The following CYFIP2 variants were observed in gnomAD, a reference collection of about 807,000 sequenced individuals.
CYFIP2 encodes the protein cytoplasmic FMR1 interacting protein 2.
CYFIP2 carries 29 observed loss-of-function variants against 158.7 expected under a neutral mutation model. That is an observed-to-expected ratio of 0.18 (90% confidence interval 0.14 to 0.25). The LOEUF is 0.25. CYFIP2 is among the 10% of genes least tolerant of loss of function. The probability of loss-of-function intolerance (pLI) is 1.00; values close to 1 mark genes in which losing one functional copy is unlikely to be tolerated. For synonymous variants in CYFIP2, 585 were observed against 617.6 expected (o/e 0.95, Z 0.78); for missense variants, 852 against 1,639.5 (o/e 0.52, Z 8.29).
intron 23 of CYFIP2, among the ~76,000 whole-genome samples, chr5:157,349,297 A>G (rs923839276): frequency 5.9e-5 from 9 of 152,036 alleles, no homozygotes; most frequent in Admixed American, 2.6e-4. Context: ...TGAGTCTCCA[A>G]AATTCATTGT....
intron 4 of CYFIP2, 124 bp from the exon 5 acceptor site, chr5:157,296,549 A>G: frequency 1.2e-6 from 1 of 847,234 alleles, no homozygotes; most frequent in Non-Finnish European, 1.9e-6. Flanking sequence ...AGCCATGATC[A>G]TGCCACTGCA....
intron 19 of CYFIP2, among the ~76,000 whole-genome samples, chr5:157,330,118 T>C (rs1761327247): frequency 6.6e-6 from 1 of 152,230 alleles, no homozygotes; most frequent in Non-Finnish European, 1.5e-5. Flanking sequence ...AGAGAGACTT[T>C]GGACTTCCTA....
chr5:157,319,697 G>A, intron 13 of CYFIP2, 65 bp from the exon 14 acceptor site: 1 of 1,576,352 alleles, frequency 6.3e-7, no homozygotes, highest in Non-Finnish European at 8.6e-7. Flanking sequence ...GCAGGGCGGT[G>A]ATGGGTAGTA....
intron 22 of CYFIP2, among the ~76,000 whole-genome samples, chr5:157,339,949 T>C (rs968709881): frequency 6.6e-6 from 1 of 152,188 alleles, no homozygotes; most frequent in African/African-American, 2.4e-5. Flanking sequence ...ATCGTGCATT[T>C]TTATTAACCC....
intron 20 of CYFIP2, 128 bp downstream of exon 20, chr5:157,330,978 C>A: frequency 1.4e-6 from 1 of 696,282 alleles, no homozygotes; most frequent in Non-Finnish European, 2.5e-6. Flanking sequence ...GATTTCCGAG[C>A]CTGGGTGTAG....
chr5:157,384,000 T>C (rs906329247), intron 28 of CYFIP2, among the ~76,000 whole-genome samples: 4 of 152,132 alleles, frequency 2.6e-5, no homozygotes, highest in Admixed American at 2.6e-4. Context: ...CATATAAAAC[T>C]CTTCTGAAAA....
intron 26 of CYFIP2, chr5:157,362,896 T>C (rs1763964857): frequency 6.6e-6 from 1 of 152,198 alleles, no homozygotes; most frequent in Admixed American, 6.5e-5. Flanking sequence ...CATGCACTGT[T>C]ACCTTCATTT....
chr5:157,390,271 AT>A (rs59915963), intron 29 of CYFIP2, among the ~76,000 whole-genome samples: 31,918 of 148,188 alleles, frequency 0.22, 3,353 homozygotes, highest in Middle Eastern at 0.32. Flanking sequence ...TTTAGAGCTG[AT>A]TTTTTTTTTT....
chr5:157,393,558 C>G lies in CYFIP2; in HGVS notation c.*558C>G, dbSNP rs950514168. 2.0e-5 allele frequency: 3 copies of G among 152,666 alleles called. No homozygotes were observed. Among genetic ancestry groups the G allele is most frequent in the African/African-American group, 7.2e-5 (3 of 41,454 alleles). The allele number at this position is 152,666 out of a possible 1,614,324, so 9.5% of individuals were successfully genotyped here. A position where few individuals can be genotyped will look rare whatever the true frequency, so the allele number is the denominator to read the frequency against. On this transcript the variant is annotated 3_prime_UTR_variant, in exon 31 of 31. Transcript: ENST00000620254. The stretch of plus-strand genomic sequence containing the variant: ...CAGGGATTCTACCACATAGGCTTCC[C>G]AAAGCCCCATTCTAACTCCCCTCTC...
chr5:157,348,480 C>T (rs1426042582), intron 23 of CYFIP2, among the ~76,000 whole-genome samples: 2 of 152,182 alleles, frequency 1.3e-5, no homozygotes, highest in African/African-American at 4.8e-5. Flanking sequence ...GGCAAAATTG[C>T]GGCTCACTGC....
Position 157,353,635 on chromosome 5 carries a change from C to T in CYFIP2, c.2674-5370C>T, listed in dbSNP as rs1278689025. On this transcript the variant is annotated intron_variant, in intron 23 of 30. Coordinates refer to ENST00000620254, the MANE Select transcript of CYFIP2 (RefSeq NM_001037333.3). ...GCACTGTCTTGCTCTGTGATCTTCC[C>T]GACAAGGACGATGCTGCTGTTTTAT... Among the ~76,000 whole-genome samples, 7 of 152,300 alleles carry T rather than the reference C, an allele frequency of 4.6e-5. No individual in the cohort carries two copies. The East Asian group carries it at 9.7e-4, about 21-fold the overall frequency.
chr5:157,277,325 C>T (rs1369134135), intron 1 of CYFIP2, among the ~76,000 whole-genome samples: 1 of 152,206 alleles, frequency 6.6e-6, no homozygotes, highest in Non-Finnish European at 1.5e-5. Flanking sequence ...GCCACTGAGT[C>T]TGGCCTTATC....
Position 157,320,770 on chromosome 5 carries a change from C to G in CYFIP2, c.1639C>G (p.Pro547Ala). 6.2e-7 allele frequency: 1 copy of G among 1,607,142 alleles called. No individual in the cohort carries two copies. The highest frequency in any genetic ancestry group is 8.5e-7 in the Non-Finnish European group (1 of 1,176,610). The change falls in exon 15 of 31, where the codon CCC becomes GCC. Residue 547 changes from proline to alanine, a missense_variant. Transcript: ENST00000620254. ...DPKGGFDIKV[P>A]RRAVGPSSTQ... is the part of the protein sequence containing the mutation. ...CAAAGGTGGATTTGATATCAAGGTG[C>G]CCCGGCGTGCTGTGGGGCCATCCAG...
intron 20 of CYFIP2, among the ~76,000 whole-genome samples, chr5:157,331,787 G>A (rs968377322): frequency 6.6e-6 from 1 of 152,084 alleles, no homozygotes; most frequent in Non-Finnish European, 1.5e-5. Context: ...TGGCTATAAG[G>A]GGCCCTGGTC....
intron 3 of CYFIP2, among the ~76,000 whole-genome samples, chr5:157,294,442 T>C (rs1430740509): frequency 6.6e-6 from 1 of 152,258 alleles, no homozygotes; most frequent in Non-Finnish European, 1.5e-5. Context: ...ACTGTTTTGC[T>C]ACTTGCTTAT....
intron 23 of CYFIP2, among the ~76,000 whole-genome samples, chr5:157,348,776 A>C (rs559804480): frequency 6.6e-6 from 1 of 152,014 alleles, no homozygotes; most frequent in Non-Finnish European, 1.5e-5. Context: ...CGGCTTTCCC[A>C]TGGCATTCAG....
Position 157,393,290 on chromosome 5 carries a change from A to T in CYFIP2, c.*290A>T. 3.8e-6 allele frequency: 1 copy of T among 262,244 alleles called. No individual in the cohort carries two copies. Among genetic ancestry groups the T allele is most frequent in the Admixed American group, 5.2e-5 (1 of 19,318 alleles). The allele number at this position is 262,244 out of a possible 1,614,324, so 16.2% of individuals were successfully genotyped here. On this transcript the variant is annotated 3_prime_UTR_variant, in exon 31 of 31. Coordinates refer to ENST00000620254, the MANE Select transcript of CYFIP2 (RefSeq NM_001037333.3). ...AACTATATTAAGAACTCCTAGTTTC[A>T]CCCTTTCTCCATCCCATCATCCCAC...
intron 26 of CYFIP2, among the ~76,000 whole-genome samples, chr5:157,367,828 C>T (rs1764560830): frequency 6.8e-6 from 1 of 147,458 alleles, no homozygotes; most frequent in Non-Finnish European, 1.5e-5. Context: ...GATCTCGGCT[C>T]ACTGTAACCT....
At chr5:157,292,393 A>G (rs1757895959) in intron 3 of CYFIP2, among the ~76,000 whole-genome samples, 3 of 151,800 alleles carry the variant, frequency 2.0e-5, no homozygotes, top group African/African-American at 7.3e-5. Context: ...CTAACTTTGT[A>G]TTTTTAGTAG....
Sources: gnomAD v4.1 joint callset for allele counts (sites outside exome capture counted in the v4.1 genomes callset) on GRCh38, gnomAD v4.1.1 for gene constraint, MANE v1.5 for transcripts, NCBI Gene and HGNC (gene_info 2026-07-23, HGNC 2026-07-21) for gene names.